WWC1: variants seen among roughly 807,000 people sequenced by gnomAD.
WWC1 encodes the protein WW and C2 domain containing 1, also known as protein KIBRA.
In WWC1, 55 loss-of-function variants were observed where a neutral mutation model predicts 138.4. That is an observed-to-expected ratio of 0.40 (90% CI 0.32 to 0.50). The LOEUF (loss-of-function observed/expected upper bound fraction) is 0.50, where lower values mean the gene tolerates loss of function less well. WWC1 is among the 20% of genes least tolerant of loss of function. WWC1 has a pLI of 0.72. For missense variants in WWC1, 1,226 were observed against 1,420.4 expected (o/e 0.86, Z 2.20); for synonymous variants, 524 against 564.9 (o/e 0.93, Z 1.03).
chr5:168,303,435 C>T (rs1371213426), intron 1 of WWC1, among the ~76,000 whole-genome samples: 1 of 152,008 alleles, frequency 6.6e-6, no homozygotes, highest in African/African-American at 2.4e-5. Context: ...CACTTTCTTG[C>T]CCATCTCTAC....
At position 168,362,363 on chromosome 5, in the gene WWC1, A is replaced by T. The variant is rs751793657; in HGVS notation, c.120-9061A>T. Among the ~76,000 whole-genome samples, 60 of 152,270 alleles carry T rather than the reference A, an allele frequency of 3.9e-4. 1 individual carries two copies. Among genetic ancestry groups the T allele is most frequent in the Admixed American group, 4.6e-4 (7 of 15,298 alleles). On this transcript the variant is annotated intron_variant, in intron 1 of 22. Coordinates refer to ENST00000265293, the MANE Select transcript of WWC1 (RefSeq NM_015238.3). Reference sequence around the variant, plus strand: ...CAAATGTGACAACTGAGCCACATAGAGTTTACATATCTTGTCCAAGGTCAC... The same window carrying T: ...CAAATGTGACAACTGAGCCACATAGTGTTTACATATCTTGTCCAAGGTCAC...
chr5:168,363,423 C>T (rs1776030811), intron 1 of WWC1, among the ~76,000 whole-genome samples: 1 of 145,550 alleles, frequency 6.9e-6, no homozygotes, highest in Admixed American at 7.3e-5. Context: ...ACTCAGGAGG[C>T]TGAGGCAGGA....
chr5:168,293,748 G>A lies in WWC1; in HGVS notation c.119+1477G>A, dbSNP rs181896451. Among the ~76,000 whole-genome samples, 461 of 152,254 alleles carry A rather than the reference G, an allele frequency of 3.0e-3. 1 individual carries two copies. The highest frequency in any genetic ancestry group is 3.0e-3 in the Non-Finnish European group (205 of 68,022). On this transcript the variant is annotated intron_variant, in intron 1 of 22. Coordinates refer to ENST00000265293, the MANE Select transcript of WWC1 (RefSeq NM_015238.3). ...GGGATGCTTAAAACTTGGAAGGGAC[G>A]TACATCAGCGCCCAACTCCCATTTG...
At chr5:168,332,268 C>T (rs976439035) in intron 1 of WWC1, among the ~76,000 whole-genome samples, 4 of 152,074 alleles carry the variant, frequency 2.6e-5, no homozygotes, top group Admixed American at 2.0e-4. Flanking sequence ...AATCTTATAC[C>T]ATAGTTCATT....
rs1769087070 is a variant in WWC1 at position 168,292,013 on chromosome 5, T to C, written c.-140T>C. The C allele has an allele frequency of 2.0e-6, 2 of 1,021,514 alleles. No homozygotes were observed. Among genetic ancestry groups the C allele is most frequent in the Admixed American group, 4.3e-5 (1 of 23,168 alleles). 63.3% of individuals were successfully genotyped at this position (1,021,514 alleles called of 1,614,324 possible). A position where few individuals can be genotyped will look rare whatever the true frequency, so the allele number is the denominator to read the frequency against. ...CGGCGCCACCCCGGCCGGCCCCTAC[T>C]AGGGCCCCCCATCTGCGGGCGCCAC... On this transcript the variant is annotated 5_prime_UTR_variant, in exon 1 of 23. It removes the in-frame stop codon of an upstream open reading frame in the 5' UTR. Coordinates refer to ENST00000265293, the MANE Select transcript of WWC1 (RefSeq NM_015238.3). The surrounding 1 kb of genome is among the most constrained non-coding windows in gnomAD (Gnocchi z 4.4).
At chr5:168,340,975 C>T (rs1773992102) in intron 1 of WWC1, among the ~76,000 whole-genome samples, 1 of 152,144 alleles carries the variant, frequency 6.6e-6, no homozygotes, top group African/African-American at 2.4e-5. Flanking sequence ...TAGTCTGCCT[C>T]CAAAGTCTGT....
At chr5:168,319,849 C>G (rs566881788) in intron 1 of WWC1, among the ~76,000 whole-genome samples, 8 of 152,280 alleles carry the variant, frequency 5.3e-5, no homozygotes, top group African/African-American at 1.9e-4. Context: ...CTGTTTTCCA[C>G]TATTTTACAT....
rs573301575 is a variant in WWC1, at chr5:168,471,807, G to A, written c.*2790G>A. The A allele has an allele frequency of 6.6e-6, 1 of 152,284 alleles. No individual in the cohort carries two copies. The highest frequency in any genetic ancestry group is 6.5e-5 in the Admixed American group (1 of 15,286). 9.4% of individuals were successfully genotyped at this position (152,284 alleles called of 1,614,324 possible). ...TAGGAAAATGAGGTCAACCTGCAAA[G>A]GAAAGCAGATGCAAGAGATGGAGAC... On this transcript the variant is annotated 3_prime_UTR_variant, in exon 23 of 23. Coordinates refer to ENST00000265293, the MANE Select transcript of WWC1 (RefSeq NM_015238.3).
Position 168,424,046 on chromosome 5 carries a change from G to T in WWC1, c.1788G>T (p.Thr596=). Residue 596 remains threonine (T), a synonymous_variant, in exon 11 of 23, where the codon ACG becomes ACT. Transcript: ENST00000265293. ...GATACCGGCTGGAGGAACCAGGAAC[G>T]GAGGGCAAGCAGCTGGGCCAAGGTA... ...QERYRLEEPG[T]EGKQLGQAVN... 6.2e-7 allele frequency: 1 copy of T among 1,605,822 alleles called. No homozygotes were observed.
chr5:168,438,341 T>A (rs1191915752), intron 15 of WWC1, among the ~76,000 whole-genome samples: 1 of 152,152 alleles, frequency 6.6e-6, no homozygotes, highest in African/African-American at 2.4e-5. Context: ...CTCATGATAG[T>A]GAGTGTGTTC....
chr5:168,414,256 A>C, intron 8 of WWC1, 92 bp from the exon 9 acceptor site: 1 of 1,510,394 alleles, frequency 6.6e-7, no homozygotes, highest in Non-Finnish European at 8.9e-7. Flanking sequence ...TAACTGTCAA[A>C]GATTGCTCTG....
intron 5 of WWC1, 99 bp from the exon 6 acceptor site, chr5:168,406,099 T>C (rs1331141851): frequency 1.4e-6 from 2 of 1,451,138 alleles, no homozygotes; most frequent in Non-Finnish European, 1.9e-6. Flanking sequence ...GGAGGGGCCT[T>C]CTTAAGGGAC....
intron 1 of WWC1, among the ~76,000 whole-genome samples, chr5:168,308,672 A>T (rs763166468): frequency 3.0e-4 from 46 of 152,032 alleles, no homozygotes; most frequent in African/African-American, 4.8e-5. Flanking sequence ...TGGAACCCAG[A>T]CTCCACATTT....
chr5:168,398,828 G>C (rs1226880232), intron 4 of WWC1, among the ~76,000 whole-genome samples: 1 of 152,138 alleles, frequency 6.6e-6, no homozygotes, highest in Non-Finnish European at 1.5e-5. Flanking sequence ...TTGAACTCTA[G>C]TCCAGCCCAT....
intron 5 of WWC1, 151 bp downstream of exon 5, chr5:168,399,718 T>A: frequency 1.3e-6 from 1 of 796,496 alleles, no homozygotes; most frequent in Non-Finnish European, 2.0e-6. Flanking sequence ...CCACTGGCAT[T>A]TCCTGAAGAT....
At position 168,317,160 on chromosome 5, in the gene WWC1, A is replaced by G. The variant is rs904259540; in HGVS notation, c.119+24889A>G. On this transcript the variant is annotated intron_variant, in intron 1 of 22. Coordinates refer to ENST00000265293, the MANE Select transcript of WWC1 (RefSeq NM_015238.3). ...GGGAACTTACCGAGGTCACACAGCA[A>G]GTTGGCAAGAGGGTTGGGGTTTCAG... is the stretch of plus-strand genomic sequence containing the variant. Among the ~76,000 whole-genome samples, 9 of 152,128 alleles carry G rather than the reference A, an allele frequency of 5.9e-5. No individual in the cohort carries two copies. The East Asian group carries it at 9.6e-4, about 16-fold the overall frequency.
At chr5:168,416,260 C>T (rs1401540964) in intron 9 of WWC1, 2 of 152,246 alleles carry the variant, frequency 1.3e-5, no homozygotes, top group East Asian at 3.9e-4. Flanking sequence ...TTCCTCTCTT[C>T]CGTTCTTCAT....
rs1364464827 is a variant in WWC1, at chr5:168,469,152, C to T, written c.*135C>T. ...TGCTCTTGTTGGTTTGAAGATGAAC[C>T]GACTTTTTAGTTTGGGTCCTACTGT... On this transcript the variant is annotated 3_prime_UTR_variant, in exon 23 of 23. Coordinates refer to ENST00000265293, the MANE Select transcript of WWC1 (RefSeq NM_015238.3). 1.9e-5 allele frequency: 19 copies of T among 1,017,758 alleles called. No homozygotes were observed. The East Asian group carries it at 2.6e-4, about 14-fold the overall frequency. The allele number at this position is 1,017,758 out of a possible 1,614,324, so 63.0% of individuals were successfully genotyped here.
chr5:168,401,754 A>G (rs940820829), intron 5 of WWC1, among the ~76,000 whole-genome samples: 1 of 152,232 alleles, frequency 6.6e-6, no homozygotes, highest in Non-Finnish European at 1.5e-5. Flanking sequence ...TACATATACC[A>G]ATCTTGTCTC....
Sources: allele counts gnomAD v4.1 joint callset (sites outside exome capture counted in the v4.1 genomes callset), GRCh38; gene constraint gnomAD v4.1.1; non-coding constraint Gnocchi (gnomAD v3.1); transcripts MANE v1.5; gene names NCBI Gene and HGNC (gene_info 2026-07-23, HGNC 2026-07-21).